The following CUX1 variants were observed in gnomAD, a reference collection of about 807,000 sequenced individuals.
CUX1 encodes the protein cut like homeobox 1.
A neutral mutation model predicts 158.8 loss-of-function variants in CUX1; 31 were observed. That is an observed-to-expected ratio of 0.20 (90% confidence interval 0.15 to 0.26). The LOEUF (loss-of-function observed/expected upper bound fraction) is 0.26. Ranked by LOEUF, CUX1 falls within the 10% of genes least tolerant of loss-of-function variation. The pLI is 1.00. For missense variants in CUX1, 1,589 were observed against 2,014.6 expected (o/e 0.79, Z 4.04); for synonymous variants, 879 against 862.1 (o/e 1.02, Z -0.34).
intron 2 of CUX1, among the ~76,000 whole-genome samples, chr7:102,013,839 G>T (rs922792484): frequency 1.3e-5 from 2 of 151,982 alleles, no homozygotes; most frequent in Non-Finnish European, 2.9e-5. Context: ...CGAGTAGCTG[G>T]GACCATAGGC....
intron 2 of CUX1, among the ~76,000 whole-genome samples, chr7:102,003,113 C>T (rs1240995014): frequency 6.6e-5 from 10 of 151,874 alleles, no homozygotes; most frequent in East Asian, 3.9e-4. Context: ...TGGCCAGGCT[C>T]GTCTCAAACT....
intron 1 of CUX1, among the ~76,000 whole-genome samples, chr7:101,896,879 C>T (rs534221727): frequency 2.0e-4 from 31 of 152,274 alleles, no homozygotes; most frequent in African/African-American, 6.7e-4. Context: ...AATTTAGAGA[C>T]GCACTCCCAG....
intron 1 of CUX1, among the ~76,000 whole-genome samples, chr7:101,836,482 C>T (rs1027061766): frequency 6.6e-6 from 1 of 152,030 alleles, no homozygotes; most frequent in African/African-American, 2.4e-5. Flanking sequence ...CCCCCAACCC[C>T]ACCTGCCCTC....
chr7:101,935,459 C>T (rs1165754477), intron 2 of CUX1, among the ~76,000 whole-genome samples: 1 of 152,202 alleles, frequency 6.6e-6, no homozygotes, highest in Admixed American at 6.5e-5. Context: ...CATGAATGGA[C>T]AAGGCCTGGC....
In CUX1 at chr7:102,257,882, A is replaced by G. The variant is rs1790070717; in HGVS notation, c.*8840A>G. 2 of 631,210 alleles carry G rather than the reference A, an allele frequency of 3.2e-6. No homozygotes were observed. The highest frequency in any genetic ancestry group is 2.0e-5 in the African/African-American group (1 of 48,946). 39.1% of individuals were successfully genotyped at this position (631,210 alleles called of 1,614,324 possible). A position where few individuals can be genotyped will look rare whatever the true frequency, so the allele number is the denominator to read the frequency against. ...CCAATTGACCAAAAAAGAAAAAAGG[A>G]AAAAAAAAAAGTCGTCTTTTTTTTT... On this transcript the variant is annotated 3_prime_UTR_variant, in exon 24 of 24. Coordinates refer to ENST00000292535, the MANE Select transcript of CUX1 (RefSeq NM_181552.4).
chr7:102,234,261 C>A, intron 22 of CUX1, 21 bp downstream of exon 22: 1 of 1,498,596 alleles, frequency 6.7e-7, no homozygotes, highest in Non-Finnish European at 8.9e-7. Context: ...CTGCCCCGCC[C>A]GGGCCGGCTG....
chr7:101,865,175 C>T (rs918317151), intron 1 of CUX1, among the ~76,000 whole-genome samples: 11 of 152,166 alleles, frequency 7.2e-5, no homozygotes, highest in African/African-American at 2.7e-4. Flanking sequence ...CCAGTCCTTC[C>T]GCTGACACCA....
intron 2 of CUX1, among the ~76,000 whole-genome samples, chr7:101,972,822 C>T (rs114352723): frequency 6.6e-6 from 1 of 152,280 alleles, no homozygotes; most frequent in African/African-American, 2.4e-5. Context: ...GGGAGCTCGC[C>T]GCGTGGTAAC....
intron 21 of CUX1, 91 bp downstream of exon 21, chr7:102,227,760 C>CA: frequency 7.5e-7 from 1 of 1,341,936 alleles, no homozygotes; most frequent in Non-Finnish European, 1.0e-6. Context: ...AAGCCAACCA[C>CA]AGAGTCTCAA....
chr7:102,104,796 G>T (rs201482), intron 6 of CUX1, among the ~76,000 whole-genome samples: 94,803 of 151,922 alleles, frequency 0.62, 30,985 homozygotes, highest in African/African-American at 0.78. Flanking sequence ...TTAGGCTGAG[G>T]CAGGAGACTC....
At chr7:102,109,806 A>G (rs1830703678) in intron 6 of CUX1, among the ~76,000 whole-genome samples, 4 of 152,058 alleles carry the variant, frequency 2.6e-5, no homozygotes, top group African/African-American at 9.7e-5. Context: ...AGAAAAAAGA[A>G]AAAATTGCAG....
At chr7:101,976,009 G>A (rs1812619791) in intron 2 of CUX1, among the ~76,000 whole-genome samples, 1 of 152,152 alleles carries the variant, frequency 6.6e-6, no homozygotes. Flanking sequence ...ATGGATGCCT[G>A]TAATCCCAGC....
At chr7:102,189,977 C>A in intron 12 of CUX1, 106 bp downstream of exon 12, 1 of 1,180,344 alleles carries the variant, frequency 8.5e-7, no homozygotes, top group Non-Finnish European at 1.2e-6. Flanking sequence ...TGCCCTCTGG[C>A]TCAGCAGATG....
intron 21 of CUX1, chr7:102,282,613 G>A (rs898286518): frequency 3.0e-5 from 39 of 1,315,048 alleles, no homozygotes; most frequent in Non-Finnish European, 3.3e-5. Flanking sequence ...TCTGGGGCTC[G>A]AGAACCTTTA....
intron 1 of CUX1, among the ~76,000 whole-genome samples, chr7:101,821,248 C>G (rs547427983): frequency 2.3e-5 from 3 of 129,756 alleles, no homozygotes; most frequent in African/African-American, 7.6e-5. Flanking sequence ...AGAAGATACT[C>G]CCCCCCGCCC....
chr7:102,117,292 G>A (rs559373050), intron 8 of CUX1, among the ~76,000 whole-genome samples: 1 of 151,054 alleles, frequency 6.6e-6, no homozygotes, highest in East Asian at 1.9e-4. Context: ...CAGCTACTGA[G>A]GTGGCTGAGG....
chr7:101,940,565 G>GTA (rs554209380), intron 2 of CUX1, among the ~76,000 whole-genome samples: 354 of 151,556 alleles, frequency 2.3e-3, no homozygotes, highest in African/African-American at 4.3e-3. Flanking sequence ...ATATATATGT[G>GTA]TATATATATA....
chr7:102,078,542 C>T (rs1397363442), intron 4 of CUX1, among the ~76,000 whole-genome samples: 1 of 152,176 alleles, frequency 6.6e-6, no homozygotes, highest in Non-Finnish European at 1.5e-5. Context: ...TGCTGAGATG[C>T]AGTTTAGTTC....
chr7:102,017,754 T>A (rs1200591786), intron 2 of CUX1, among the ~76,000 whole-genome samples: 1 of 150,586 alleles, frequency 6.6e-6, no homozygotes, highest in Non-Finnish European at 1.5e-5. Flanking sequence ...GGCTGAGGCA[T>A]GAGAATCGCT....
Sources: gnomAD v4.1 joint callset for allele counts (sites outside exome capture counted in the v4.1 genomes callset) on GRCh38, gnomAD v4.1.1 for gene constraint, MANE v1.5 for transcripts, NCBI Gene and HGNC (gene_info 2026-07-23, HGNC 2026-07-21) for gene names.